The following METTL15 variants were observed in gnomAD, a reference collection of about 807,000 sequenced individuals.
METTL15 encodes the protein methyltransferase 15, mitochondrial 12S rRNA N4-cytidine.
A neutral mutation model predicts 38.3 loss-of-function variants in METTL15; 34 were observed. The ratio of observed to expected loss-of-function variants is 0.89; its 90% confidence interval spans 0.68 to 1.18. The LOEUF (loss-of-function observed/expected upper bound fraction) is 1.18. Ranked by LOEUF, METTL15 falls within the 50% of genes most tolerant of loss-of-function variation. The pLI is 0.00. For missense variants in METTL15, 438 were observed against 498.4 expected, an observed-to-expected ratio of 0.88 and a Z score of 1.15; for synonymous variants, 162 against 170.9, an observed-to-expected ratio of 0.95 and a Z score of 0.41.
chr11:28,501,722 G>C (rs1851584279), intron 6 of METTL15, among the ~76,000 whole-genome samples: 1 of 152,176 alleles, frequency 6.6e-6, no homozygotes, highest in South Asian at 2.1e-4. Context: ...TCTCATGTCA[G>C]TGGTCATTAG....
chr11:28,527,576 A>G (rs1851820749), downstream of METTL15, among the ~76,000 whole-genome samples: 1 of 152,214 alleles, frequency 6.6e-6, no homozygotes. Context: ...ATATTTATCA[A>G]AGAACTATAA....
intron 6 of METTL15, among the ~76,000 whole-genome samples, chr11:28,440,218 A>G (rs1313440441): frequency 6.6e-6 from 1 of 152,178 alleles, no homozygotes; most frequent in Non-Finnish European, 1.5e-5. Flanking sequence ...TACTAGATAT[A>G]GAGGGAACTA....
intron 3 of METTL15, among the ~76,000 whole-genome samples, chr11:28,154,735 T>C (rs115337681): frequency 0.018 from 2,667 of 152,194 alleles, 83 homozygotes; most frequent in African/African-American, 0.061. Context: ...AAATGACACC[T>C]GCAAAATGTC....
At chr11:28,241,329 C>T (rs1239661862) in intron 4 of METTL15, among the ~76,000 whole-genome samples, 1 of 151,912 alleles carries the variant, frequency 6.6e-6, no homozygotes, top group Non-Finnish European at 1.5e-5. Context: ...GTCAGGAGAT[C>T]AAGACCATCC....
chr11:28,192,370 G>C (rs2133804463), intron 3 of METTL15, among the ~76,000 whole-genome samples: 1 of 150,722 alleles, frequency 6.6e-6, no homozygotes, highest in East Asian at 1.9e-4. Context: ...GCATTCCTGG[G>C]ATTAGCCCCA....
chr11:28,165,080 C>T (rs1389589576), intron 3 of METTL15, among the ~76,000 whole-genome samples: 1 of 152,032 alleles, frequency 6.6e-6, no homozygotes, highest in East Asian at 1.9e-4. Context: ...TTTCTTTATG[C>T]ATTTGTCCAC....
chr11:28,520,942 T>G (rs569876339), intron 6 of METTL15, among the ~76,000 whole-genome samples: 2 of 152,342 alleles, frequency 1.3e-5, no homozygotes, highest in South Asian at 4.1e-4. Flanking sequence ...CTTTGTTCTC[T>G]CTTTCCATTT....
intron 6 of METTL15, among the ~76,000 whole-genome samples, chr11:28,495,868 G>T (rs1256116828): frequency 6.6e-6 from 1 of 152,032 alleles, no homozygotes; most frequent in East Asian, 1.9e-4. Context: ...ATTTAGGGAT[G>T]AAAAGATCCA....
intron 6 of METTL15, among the ~76,000 whole-genome samples, chr11:28,315,035 C>T (rs941015441): frequency 2.6e-5 from 4 of 152,110 alleles, no homozygotes; most frequent in African/African-American, 7.2e-5. Flanking sequence ...TTATCTGCAG[C>T]ATGAAAATGG....
chr11:28,396,430 A>G (rs953943690), intron 5 of METTL15, among the ~76,000 whole-genome samples: 86 of 152,214 alleles, frequency 5.6e-4, no homozygotes, highest in Admixed American at 1.0e-3. Flanking sequence ...AAAAATCACA[A>G]GCATTCTTAT....
chr11:28,228,764 A>G (rs1030898230), intron 4 of METTL15, among the ~76,000 whole-genome samples: 1 of 151,950 alleles, frequency 6.6e-6, no homozygotes, highest in African/African-American at 2.4e-5. Flanking sequence ...GACAAAAACT[A>G]TGTCTAACAT....
intron 3 of METTL15, among the ~76,000 whole-genome samples, chr11:28,209,962 C>T (rs1852555210): frequency 6.6e-6 from 1 of 151,948 alleles, no homozygotes; most frequent in Non-Finnish European, 1.5e-5. Context: ...ATTTTCATAA[C>T]ACCAATGAAG....
chr11:28,393,357 C>A (rs1303350837), intron 5 of METTL15, among the ~76,000 whole-genome samples: 1 of 151,704 alleles, frequency 6.6e-6, no homozygotes, highest in Admixed American at 6.6e-5. Flanking sequence ...AAATGGAAAT[C>A]CTGAATAACA....
chr11:28,478,180 C>T (rs1851363325), intron 6 of METTL15, among the ~76,000 whole-genome samples: 2 of 152,146 alleles, frequency 1.3e-5, no homozygotes, highest in South Asian at 4.1e-4. Context: ...AATCTGGAAC[C>T]TCTAGTTATT....
intron 6 of METTL15, among the ~76,000 whole-genome samples, chr11:28,495,379 A>C (rs1851527421): frequency 6.6e-6 from 1 of 152,184 alleles, no homozygotes; most frequent in African/African-American, 2.4e-5. Context: ...GGAAAAAGAA[A>C]GAAAAGGACA....
Position 28,429,996 on chromosome 11 carries a change from C to A in METTL15, c.*424+5632C>A, listed in dbSNP as rs1339361392. Among the ~76,000 whole-genome samples the A allele has an allele frequency of 2.3e-5, 3 of 131,340 alleles. No individual in the cohort carries two copies. The East Asian group carries it at 7.4e-4, about 33-fold the overall frequency. The allele number at this position is 131,340 out of a possible 152,430, so 86.2% of individuals were successfully genotyped here. On this transcript the variant is annotated intron_variant and NMD_transcript_variant, in intron 6 of 7. Transcript: ENST00000532947. ...CCCATCGTCTGAGATGTGGGGAGCG[C>A]CTCTGCCCCGCCGCCCCATCTGGGA...
At chr11:28,375,898 T>G (rs1439140247) in intron 5 of METTL15, among the ~76,000 whole-genome samples, 2 of 151,928 alleles carry the variant, frequency 1.3e-5, no homozygotes, top group Non-Finnish European at 2.9e-5. Flanking sequence ...AAGAACATCT[T>G]TATTTCTGCC....
At chr11:28,477,130 A>C (rs528238072) in intron 6 of METTL15, among the ~76,000 whole-genome samples, 1 of 152,306 alleles carries the variant, frequency 6.6e-6, no homozygotes, top group East Asian at 1.9e-4. Flanking sequence ...GAGCTTCAAG[A>C]AATACAGAAT....
chr11:28,391,226 TCTC>T (rs1272204546), intron 5 of METTL15, among the ~76,000 whole-genome samples: 1 of 152,024 alleles, frequency 6.6e-6, no homozygotes, highest in Non-Finnish European at 1.5e-5. Context: ...TTTATTTCCT[TCTC>T]CTGCCTAATT....
Sources: gnomAD v4.1 joint callset for allele counts (sites outside exome capture counted in the v4.1 genomes callset) on GRCh38, gnomAD v4.1.1 for gene constraint, MANE v1.5 for transcripts, NCBI Gene and HGNC (gene_info 2026-07-23, HGNC 2026-07-21) for gene names.